DDX21: variants seen among roughly 807,000 people sequenced by gnomAD.
DDX21 encodes nucleolar RNA helicase 2.
A neutral mutation model predicts 90.0 loss-of-function variants in DDX21; 18 were observed. The observed-to-expected ratio is 0.20, with a 90% CI of 0.14 to 0.30. The LOEUF (loss-of-function observed/expected upper bound fraction) is 0.30. Among genes scored for constraint, DDX21 ranks in the 10% least tolerant of loss-of-function variants. The pLI is 1.00. For missense variants in DDX21, 673 were observed against 944.5 expected (o/e 0.71, Z 3.77); for synonymous variants, 294 against 318.0 (o/e 0.92, Z 0.80).
At chr10:68,981,687 G>T (rs1381319479) in intron 14 of DDX21, 106 bp downstream of exon 14, 1 of 1,016,822 alleles carries the variant, frequency 9.8e-7, no homozygotes, top group Admixed American at 2.5e-5. Context: ...GGTTCCTTTA[G>T]TAAGAGATAA....
chr10:68,982,433 TTA>T (rs1451241658), intron 14 of DDX21, 108 bp from the exon 15 acceptor site: 9 of 1,426,358 alleles, frequency 6.3e-6, no homozygotes, highest in Non-Finnish European at 8.4e-6. Context: ...TGTTAAGCAC[TTA>T]TGTTATCACC....
intron 13 of DDX21, among the ~76,000 whole-genome samples, chr10:68,979,958 C>T (rs868167007): frequency 1.1e-4 from 16 of 152,216 alleles, no homozygotes; most frequent in African/African-American, 3.1e-4. Flanking sequence ...AGTAATCTTT[C>T]GGCTGGGCCC....
chr10:68,966,140 C>T (rs549885746), intron 5 of DDX21, among the ~76,000 whole-genome samples: 3 of 150,164 alleles, frequency 2.0e-5, no homozygotes, highest in East Asian at 2.1e-4. Flanking sequence ...ACTAAAAATA[C>T]AAAAAATTAG....
At chr10:68,981,421 T>C (rs180786458) in intron 13 of DDX21, 116 bp from the exon 14 acceptor site, 2 of 882,972 alleles carry the variant, frequency 2.3e-6, no homozygotes, top group East Asian at 5.0e-5. Flanking sequence ...TTATACCTGG[T>C]GGTTTTTTTG....
At chr10:68,967,930 T>G (rs1406288886) in intron 6 of DDX21, among the ~76,000 whole-genome samples, 1 of 152,064 alleles carries the variant, frequency 6.6e-6, no homozygotes, top group Non-Finnish European at 1.5e-5. Context: ...GGTCTAAATC[T>G]GTCACCCAGG....
chr10:68,959,690 C>G (rs1057217932), intron 1 of DDX21, 116 bp from the exon 2 acceptor site: 4 of 833,506 alleles, frequency 4.8e-6, no homozygotes, highest in Non-Finnish European at 6.9e-6. Context: ...CGAAATGCCC[C>G]AAAATTGTAT....
chr10:68,959,347 C>T (rs769184859), intron 1 of DDX21, among the ~76,000 whole-genome samples: 11 of 151,856 alleles, frequency 7.2e-5, no homozygotes, highest in Non-Finnish European at 1.2e-4. Context: ...TACAAAAATT[C>T]GCTGGGTGTG....
At chr10:68,979,171 G>A (rs557780275) in intron 13 of DDX21, among the ~76,000 whole-genome samples, 195 bp downstream of exon 13, 5 of 152,136 alleles carry the variant, frequency 3.3e-5, no homozygotes, top group African/African-American at 2.4e-5. Flanking sequence ...AGCCTGAACC[G>A]TTCTCACAAT....
intron 2 of DDX21, 34 bp downstream of exon 2, chr10:68,960,283 T>C (rs752130015): frequency 6.5e-7 from 1 of 1,548,708 alleles, no homozygotes; most frequent in Non-Finnish European, 8.7e-7. Flanking sequence ...GAAGATATCT[T>C]TCATTGTTGT....
At chr10:68,965,531 A>T in intron 5 of DDX21, 37 bp downstream of exon 5, 1 of 1,454,982 alleles carries the variant, frequency 6.9e-7, no homozygotes, top group Non-Finnish European at 9.6e-7. Flanking sequence ...GTATAATGCC[A>T]CCCATTGTTG....
At chr10:68,965,526 ATGCCACCCATTGTTGAC>A (rs773584122) in intron 5 of DDX21, 32 bp downstream of exon 5, 8 of 1,486,578 alleles carry the variant, frequency 5.4e-6, no homozygotes, top group Non-Finnish European at 6.6e-6. Context: ...GGGAGGTATA[ATGCCACCCATTGTTGAC>A]TGCTCTGATT....
chr10:68,975,907 G>A (rs572062317), intron 11 of DDX21, among the ~76,000 whole-genome samples: 175 of 152,144 alleles, frequency 1.2e-3, no homozygotes, highest in Admixed American at 5.5e-3. Flanking sequence ...AAAATAGCCA[G>A]GCGTGGTTGC....
Position 68,982,570 on chromosome 10 carries a change from C to A in DDX21, c.2110C>A (p.Gln704Lys). Reference sequence around the variant, plus strand: ...GAAATGGCATGATTCACGACGCTGGCAGCTCTCTGTGGCCACAGAGCAACC... The same window carrying A: ...GAAATGGCATGATTCACGACGCTGGAAGCTCTCTGTGGCCACAGAGCAACC... ...QEKWHDSRRW[Q>K]LSVATEQPEL... Residue 704 changes from glutamine (Q) to lysine (K), a missense_variant, in exon 15 of 15, where the codon CAG becomes AAG. Around this residue, in one of 4 missense-constraint regions of DDX21, gnomAD observed 225 missense variants for 298.8 expected, o/e 0.75. Transcript: ENST00000354185. 1 of 1,611,778 alleles carries A rather than the reference C, an allele frequency of 6.2e-7. No homozygotes were observed. The highest frequency in any genetic ancestry group is 1.7e-5 in the Admixed American group (1 of 59,988).
chr10:68,976,517 G>C (rs1359195266), intron 11 of DDX21, among the ~76,000 whole-genome samples: 1 of 152,172 alleles, frequency 6.6e-6, no homozygotes, highest in Non-Finnish European at 1.5e-5. Context: ...TCAATCTCCT[G>C]ACCTCATGAT....
At chr10:68,970,503 T>A (rs75262711) in intron 8 of DDX21, among the ~76,000 whole-genome samples, 153 bp downstream of exon 8, 1 of 149,678 alleles carries the variant, frequency 6.7e-6, no homozygotes, top group Non-Finnish European at 1.5e-5. Context: ...TTTTTTTTTT[T>A]AATTGAGGCA....
chr10:68,967,479 G>A (rs933824017), intron 6 of DDX21, among the ~76,000 whole-genome samples: 8 of 151,862 alleles, frequency 5.3e-5, no homozygotes, highest in African/African-American at 1.9e-4. Flanking sequence ...TGGTGACTAA[G>A]TAGTTTTCTA....
At chr10:68,969,464 G>A (rs1842990843) in intron 7 of DDX21, among the ~76,000 whole-genome samples, 1 of 152,126 alleles carries the variant, frequency 6.6e-6, no homozygotes, top group Non-Finnish European at 1.5e-5. Flanking sequence ...ATTTTTAGTA[G>A]AGACAGGGTT....
At chr10:68,976,726 G>T (rs1396802585) in intron 11 of DDX21, among the ~76,000 whole-genome samples, 2 of 152,214 alleles carry the variant, frequency 1.3e-5, no homozygotes, top group Non-Finnish European at 2.9e-5. Flanking sequence ...ATGGGACAAA[G>T]ATGCTGGTGG....
At chr10:68,965,682 G>A (rs554360236) in intron 5 of DDX21, among the ~76,000 whole-genome samples, 188 bp downstream of exon 5, 11 of 152,252 alleles carry the variant, frequency 7.2e-5, no homozygotes, top group East Asian at 1.9e-4. Context: ...CCTGTATATC[G>A]TTCTTAGGAC....
Sources: allele counts gnomAD v4.1 joint callset (sites outside exome capture counted in the v4.1 genomes callset), GRCh38; gene constraint gnomAD v4.1.1; regional missense constraint gnomAD v4.1.1; transcripts MANE v1.5; gene names NCBI Gene and HGNC (gene_info 2026-07-23, HGNC 2026-07-21).